Variants in FBXO9 observed in about 807,000 individuals in gnomAD.
FBXO9 encodes the protein F-box protein 9.
FBXO9 carries 43 observed loss-of-function variants against 63.7 expected under a neutral mutation model. The ratio of observed to expected loss-of-function variants is 0.67; its 90% CI spans 0.53 to 0.87. FBXO9 has a LOEUF of 0.87. FBXO9 is among the 40% of genes least tolerant of loss of function. The pLI is 0.00. For synonymous variants in FBXO9, 156 were observed against 171.7 expected (o/e 0.91, Z 0.72); for missense variants, 442 against 533.2 (o/e 0.83, Z 1.68).
At chr6:53,093,835 T>C (rs1763121119) in intron 10 of FBXO9, 50 bp from the exon 11 acceptor site, 1 of 1,383,086 alleles carries the variant, frequency 7.2e-7, no homozygotes, top group Non-Finnish European at 9.9e-7. Flanking sequence ...TTAGATTACT[T>C]AAATCCACTT....
At chr6:53,090,244 A>G (rs1289480108) in intron 7 of FBXO9, among the ~76,000 whole-genome samples, 8 of 152,126 alleles carry the variant, frequency 5.3e-5, no homozygotes, top group Admixed American at 5.2e-4. Flanking sequence ...CTTTTTTGTT[A>G]TCAGGCATAC....
intron 4 of FBXO9, 112 bp from the exon 5 acceptor site, chr6:53,078,687 G>C: frequency 1.4e-6 from 1 of 718,280 alleles, no homozygotes. Context: ...TAGAAAAACA[G>C]AATTTGGCCG....
chr6:53,083,494 C>G (rs1280822841), intron 7 of FBXO9, among the ~76,000 whole-genome samples: 1 of 152,106 alleles, frequency 6.6e-6, no homozygotes, highest in Non-Finnish European at 1.5e-5. Context: ...TTCAGGGAAA[C>G]AAAAGTTTTT....
intron 2 of FBXO9, among the ~76,000 whole-genome samples, chr6:53,071,800 G>A (rs1387382112): frequency 6.6e-6 from 1 of 152,186 alleles, no homozygotes; most frequent in Non-Finnish European, 1.5e-5. Flanking sequence ...CCTTGATACA[G>A]CAATTCTACT....
intron 4 of FBXO9, among the ~76,000 whole-genome samples, chr6:53,077,542 T>TA (rs1210359166): frequency 6.7e-6 from 1 of 150,330 alleles, no homozygotes; most frequent in Admixed American, 6.6e-5. Flanking sequence ...TGTCTTTTAT[T>TA]AACCCAATAG....
At chr6:53,094,806 G>C (rs1763158691) in intron 11 of FBXO9, 4 of 434,710 alleles carry the variant, frequency 9.2e-6, no homozygotes, top group Admixed American at 2.6e-5. Flanking sequence ...GAGAGACAGA[G>C]AGAGTTGCTT....
rs532710332 is a variant in FBXO9, at chr6:53,084,459, G to GA, written c.653+1847dup. Among the ~76,000 whole-genome samples the GA allele has an allele frequency of 3.6e-4, 55 of 152,280 alleles. No individual in the cohort carries two copies. The South Asian group carries it at 0.011, about 30-fold the overall frequency. ...CAATTACACCATTATCCTGTCAAGTGAAAAAAGTAGCATTAAGTGGGGGTA... is the reference window on the plus strand; with the variant it reads ...CAATTACACCATTATCCTGTCAAGTGAAAAAAAGTAGCATTAAGTGGGGGTA... On this transcript the variant is annotated intron_variant, in intron 7 of 12. Coordinates refer to ENST00000323557, the MANE Select transcript of FBXO9 (RefSeq NM_033480.3).
In FBXO9 at chr6:53,092,842, T is replaced by G; in HGVS notation, c.863+18T>G. The G allele has an allele frequency of 6.6e-7, 1 of 1,520,424 alleles. No individual in the cohort carries two copies. The highest frequency in any genetic ancestry group is 9.0e-7 in the Non-Finnish European group (1 of 1,109,394). 94.2% of individuals were successfully genotyped at this position (1,520,424 alleles called of 1,614,324 possible). Reference sequence around the variant, plus strand: ...TATTACAGGTACAACTGTAGTACACTGAGTGAGTGGAAAATTCTCTCTCTC... The same window carrying G: ...TATTACAGGTACAACTGTAGTACACGGAGTGAGTGGAAAATTCTCTCTCTC... On this transcript the variant is annotated intron_variant, in intron 9 of 12. Coordinates refer to ENST00000323557, the MANE Select transcript of FBXO9 (RefSeq NM_033480.3).
At chr6:53,082,149 G>A (rs1769337441) in intron 6 of FBXO9, among the ~76,000 whole-genome samples, 1 of 152,098 alleles carries the variant, frequency 6.6e-6, no homozygotes, top group South Asian at 2.1e-4. Flanking sequence ...ACAATTAAAA[G>A]TTTTCAAGGA....
At position 53,095,533 on chromosome 6, in the gene FBXO9, C is replaced by T; in HGVS notation, c.1074C>T (p.Tyr358=). Residue 358 remains tyrosine, a synonymous_variant, in exon 12 of 13, where the codon TAC becomes TAT. Transcript: ENST00000323557. ...KKEEKPLDYK[Y]RYFRRVPVQE... is the part of the protein sequence containing the mutation. ...TGCAGAAACCACTTGACTATAAATA[C>T]AGATATTTTCGTCGTGTCCCTGTAC... is the stretch of plus-strand genomic sequence containing the variant. The T allele has an allele frequency of 1.2e-6, 2 of 1,612,082 alleles. No individual in the cohort carries two copies. The highest frequency in any genetic ancestry group is 1.7e-6 in the Non-Finnish European group (2 of 1,179,216).
At chr6:53,065,982 T>G (rs1768684408) in intron 1 of FBXO9, 190 bp downstream of exon 1, 2 of 1,166,314 alleles carry the variant, frequency 1.7e-6, no homozygotes, top group Non-Finnish European at 2.2e-6. Flanking sequence ...CCCTGGCTTC[T>G]CCCCAGGATT....
At chr6:53,089,590 G>A (rs934666608) in intron 7 of FBXO9, among the ~76,000 whole-genome samples, 17 of 152,184 alleles carry the variant, frequency 1.1e-4, no homozygotes, top group African/African-American at 4.1e-4. Context: ...ACCAGAAGAC[G>A]TGAACAGAAT....
At chr6:53,074,636 C>A (rs780865714) in intron 3 of FBXO9, among the ~76,000 whole-genome samples, 20 of 152,236 alleles carry the variant, frequency 1.3e-4, no homozygotes, top group Non-Finnish European at 2.5e-4. Context: ...CCATTCGTAA[C>A]CACTGGCAAC....
At chr6:53,077,389 C>G (rs1374477718) in intron 4 of FBXO9, among the ~76,000 whole-genome samples, 1 of 133,434 alleles carries the variant, frequency 7.5e-6, no homozygotes, top group Non-Finnish European at 1.6e-5. Context: ...AGGAGAATGG[C>G]GTGAACCCGG....
At chr6:53,091,491 C>G (rs1763039166) in intron 7 of FBXO9, 1 of 152,342 alleles carries the variant, frequency 6.6e-6, no homozygotes, top group South Asian at 2.1e-4. Flanking sequence ...GCCTCGGCCT[C>G]CTGAGTAGCT....
At position 53,065,804 on chromosome 6, in the gene FBXO9, AG is replaced by A. The variant is rs1232903823; in HGVS notation, c.3+17del. On this transcript the variant is annotated intron_variant, in intron 1 of 12. Coordinates refer to ENST00000323557, the MANE Select transcript of FBXO9 (RefSeq NM_033480.3). Reference sequence around the variant, plus strand: ...GCCCCGCCAGCATGGTAACCTGGCCAGGGGGCTCGAGGGTGGACGCCGCGGG... The same window carrying A: ...GCCCCGCCAGCATGGTAACCTGGCCAGGGGCTCGAGGGTGGACGCCGCGGG... 3 of 1,351,990 alleles carry A rather than the reference AG, an allele frequency of 2.2e-6. No homozygotes were observed. The highest frequency in any genetic ancestry group is 2.9e-6 in the Non-Finnish European group (3 of 1,050,954). The allele number at this position is 1,351,990 out of a possible 1,614,324, so 83.7% of individuals were successfully genotyped here.
At chr6:53,067,884 A>G (rs1398363436) in intron 1 of FBXO9, 2 of 152,086 alleles carry the variant, frequency 1.3e-5, no homozygotes, top group Admixed American at 1.3e-4. Flanking sequence ...TGAGTTCTTG[A>G]TCTCATTTAT....
Position 53,095,631 on chromosome 6 carries a change from T to A in FBXO9, c.1172T>A (p.Ile391Asn). 3 of 1,612,326 alleles carry A rather than the reference T, an allele frequency of 1.9e-6. No homozygotes were observed. The highest frequency in any genetic ancestry group is 1.7e-4 in the Middle Eastern group (1 of 6,058). ...GGTCACCAGAGGTTCAACAAACTCA[T>A]CTGGATACATCATTCTTGTCACATT... ...SSGHQRFNKL[I>N]WIHHSCHITY... Residue 391 changes from isoleucine (I) to asparagine (N), a missense_variant, in exon 12 of 13, where the codon ATC (isoleucine) becomes AAC (asparagine). Around this residue, in one of 2 missense-constraint regions of FBXO9, gnomAD observed 262 missense variants for 362.1 expected, o/e 0.72. Coordinates refer to ENST00000323557, the MANE Select transcript of FBXO9 (RefSeq NM_033480.3).
chr6:53,071,654 TTAATC>T (rs1455351713), intron 2 of FBXO9, among the ~76,000 whole-genome samples: 1 of 152,192 alleles, frequency 6.6e-6, no homozygotes, highest in East Asian at 1.9e-4. Flanking sequence ...CATTAATAAT[TTAATC>T]AGATTGGTGA....
Sources: gnomAD v4.1 joint callset for allele counts (sites outside exome capture counted in the v4.1 genomes callset) on GRCh38, gnomAD v4.1.1 for gene constraint, gnomAD v4.1.1 regional missense constraint, MANE v1.5 for transcripts, NCBI Gene and HGNC (gene_info 2026-07-23, HGNC 2026-07-21) for gene names.